Variants in COQ3 observed in about 807,000 individuals in gnomAD.
COQ3 encodes ubiquinone biosynthesis O-methyltransferase, mitochondrial.
In COQ3, 29 loss-of-function variants were observed where a neutral mutation model predicts 33.1. The ratio of observed to expected loss-of-function variants is 0.88; its 90% CI spans 0.65 to 1.19. COQ3 has a LOEUF of 1.19. Ranked by LOEUF, COQ3 falls within the 50% of genes most tolerant of loss-of-function variation. The pLI, the probability that COQ3 is intolerant of heterozygous loss-of-function variation, is 0.00. For synonymous variants in COQ3, 173 were observed against 157.8 expected, an observed-to-expected ratio of 1.10 and a Z score of -0.72; for missense variants, 437 against 430.7, an observed-to-expected ratio of 1.01 and a Z score of -0.13.
At chr6:99,378,689 G>A (rs1426191961) in intron 3 of COQ3, among the ~76,000 whole-genome samples, 2 of 152,048 alleles carry the variant, frequency 1.3e-5, no homozygotes, top group African/African-American at 4.8e-5. Flanking sequence ...CACTGTCCAG[G>A]GCCTACACTT....
chr6:99,378,635 C>T (rs915252246), intron 3 of COQ3, among the ~76,000 whole-genome samples: 6 of 152,042 alleles, frequency 3.9e-5, no homozygotes, highest in East Asian at 1.9e-4. Context: ...CCTGATGAGA[C>T]GTGATAATTT....
At chr6:99,373,129 A>G (rs535867807) in intron 5 of COQ3, among the ~76,000 whole-genome samples, 1 of 152,296 alleles carries the variant, frequency 6.6e-6, no homozygotes, top group Admixed American at 6.5e-5. Flanking sequence ...TTCAAACTCT[A>G]AAATATCTTA....
intron 1 of COQ3, among the ~76,000 whole-genome samples, chr6:99,391,637 T>C (rs1295453219): frequency 6.6e-6 from 1 of 152,232 alleles, no homozygotes; most frequent in Non-Finnish European, 1.5e-5. Flanking sequence ...ATCTCTCTCT[T>C]ACCTCCTCTA....
At chr6:99,375,156 C>T (rs776473862) in intron 5 of COQ3, among the ~76,000 whole-genome samples, 17 of 151,538 alleles carry the variant, frequency 1.1e-4, no homozygotes, top group South Asian at 4.2e-4. Flanking sequence ...TTAGTAGAGA[C>T]GGGGTTTCTC....
chr6:99,378,606 C>A lies in COQ3; in HGVS notation c.387-1121G>T, dbSNP rs79726595. 3.0e-3 allele frequency among the ~76,000 whole-genome samples: 463 copies of A among 152,252 alleles called. 2 individuals are homozygous for A. Among genetic ancestry groups the A allele is most frequent in the African/African-American group, 0.011 (445 of 41,552 alleles). On this transcript the variant is annotated intron_variant, in intron 3 of 6. Coordinates refer to ENST00000254759, the MANE Select transcript of COQ3 (RefSeq NM_017421.4). ...TTTGCTTAAAATGGAGTGCTGACCC[C>A]TCCCCAGAGCAGTAGGTCCCTGATG...
chr6:99,380,208 G>T lies in COQ3; in HGVS notation c.367C>A (p.Leu123Met). 1 of 1,613,792 alleles carries T rather than the reference G, an allele frequency of 6.2e-7. No homozygotes were observed. The highest frequency in any genetic ancestry group is 8.5e-7 in the Non-Finnish European group (1 of 1,179,828). The change falls in exon 3 of 7, where the codon CTG becomes ATG. Residue 123 changes from leucine (L) to methionine (M), a missense_variant. Leu to Met is a conservative substitution (Grantham distance 15, BLOSUM62 2). Coordinates refer to ENST00000254759, the MANE Select transcript of COQ3 (RefSeq NM_017421.4). ...TGTTACCTAATAAATGGCACCCTCA[G>T]GTCATTCATGGAATGAAGAGGTGCA... ...VYAPLHSMND[L>M]RVPFIRDNLL...
At chr6:99,393,144 T>A (rs534880245) in intron 1 of COQ3, among the ~76,000 whole-genome samples, 13 of 151,882 alleles carry the variant, frequency 8.6e-5, no homozygotes, top group Admixed American at 2.6e-4. Context: ...AATTTCTCTA[T>A]ATATCTCCAC....
intron 4 of COQ3, 35 bp downstream of exon 4, chr6:99,377,351 T>G (rs7764793): frequency 5.0e-6 from 7 of 1,394,754 alleles, no homozygotes; most frequent in Non-Finnish European, 7.1e-6. Flanking sequence ...AATTTTTTTC[T>G]CCCAGTTAAA....
At chr6:99,378,122 A>T (rs1247881491) in intron 3 of COQ3, among the ~76,000 whole-genome samples, 4 of 19,084 alleles carry the variant, frequency 2.1e-4, no homozygotes, top group Non-Finnish European at 6.1e-4. Flanking sequence ...ATATATATAT[A>T]TATATATATA....
chr6:99,392,092 C>T (rs897464341), intron 1 of COQ3, among the ~76,000 whole-genome samples: 1 of 152,142 alleles, frequency 6.6e-6, no homozygotes, highest in Non-Finnish European at 1.5e-5. Context: ...TGTATTTAAA[C>T]AGAATGCTAC....
chr6:99,377,032 CAG>C (rs1774304668), intron 4 of COQ3, among the ~76,000 whole-genome samples: 1 of 137,724 alleles, frequency 7.3e-6, no homozygotes, highest in Admixed American at 7.4e-5. Context: ...GTATGTGTGA[CAG>C]AGTCTCTCTC....
intron 2 of COQ3, among the ~76,000 whole-genome samples, chr6:99,381,495 C>G (rs1774471332): frequency 6.6e-6 from 1 of 152,166 alleles, no homozygotes; most frequent in Non-Finnish European, 1.5e-5. Context: ...CATGCATGCT[C>G]TTTCCTCAGG....
At position 99,371,555 on chromosome 6, in the gene COQ3, G is replaced by A. The variant is rs757464775; in HGVS notation, c.762C>T (p.Asn254=). 1.2e-6 allele frequency: 2 copies of A among 1,603,498 alleles called. No individual in the cohort carries two copies. The highest frequency in any genetic ancestry group is 2.3e-5 in the South Asian group (2 of 88,884). Residue 254 remains asparagine (N), a synonymous_variant, in exon 6 of 7, where the codon AAC becomes AAT. Coordinates refer to ENST00000254759, the MANE Select transcript of COQ3 (RefSeq NM_017421.4). Reference sequence around the variant, plus strand: ...CCAAGGCATAGGAAAGTTGTGTTTTGTTGATTGTAGTAATGAATAAAGAAC... The same window carrying A: ...CCAAGGCATAGGAAAGTTGTGTTTTATTGATTGTAGTAATGAATAAAGAAC... ...PGGSLFITTI[N]KTQLSYALGI...
intron 4 of COQ3, 77 bp downstream of exon 4, chr6:99,377,309 G>C: frequency 9.0e-7 from 1 of 1,111,792 alleles, no homozygotes; most frequent in Non-Finnish European, 1.4e-6. Flanking sequence ...ATTATTTGTT[G>C]AAAGAATAAA....
chr6:99,380,310 G>T lies in COQ3; in HGVS notation c.265C>A (p.Gln89Lys). ...ACCTCACCGCTGTCGACAGTGGTTTGGGAAGTACTGTACAGTCTCGCCCAA... is the reference window on the plus strand; with the variant it reads ...ACCTCACCGCTGTCGACAGTGGTTTTGGAAGTACTGTACAGTCTCGCCCAA... Reference protein sequence around the residue: ...YPWARLYSTSQTTVDSGEVKT... With the variant: ...YPWARLYSTSKTTVDSGEVKT... The change falls in exon 3 of 7, where the codon CAA becomes AAA. Residue 89 changes from glutamine (Q) to lysine (K), a missense_variant. Physicochemically the swap from Gln to Lys is moderately conservative, Grantham distance 53. Transcript: ENST00000254759. The T allele has an allele frequency of 6.2e-7, 1 of 1,613,996 alleles. No individual in the cohort carries two copies. The highest frequency in any genetic ancestry group is 8.5e-7 in the Non-Finnish European group (1 of 1,179,972).
At chr6:99,380,495 A>G (rs930279296) in intron 2 of COQ3, among the ~76,000 whole-genome samples, 154 bp from the exon 3 acceptor site, 1 of 152,232 alleles carries the variant, frequency 6.6e-6, no homozygotes, top group Non-Finnish European at 1.5e-5. Flanking sequence ...AAGTTTTCTT[A>G]TAATCACACT....
chr6:99,373,720 A>T (rs1301676762), intron 5 of COQ3, among the ~76,000 whole-genome samples: 2 of 152,200 alleles, frequency 1.3e-5, no homozygotes, highest in Non-Finnish European at 2.9e-5. Context: ...GGCTAGGCAC[A>T]GTAGCTCACG....
Position 99,380,354 on chromosome 6 carries a change from A to G in COQ3, c.234-13T>C. 1 of 1,612,326 alleles carries G rather than the reference A, an allele frequency of 6.2e-7. No homozygotes were observed. Among genetic ancestry groups the G allele is most frequent in the Non-Finnish European group, 8.5e-7 (1 of 1,178,998 alleles). ...CGCCCAAGGGTACCTAAAAGGTGAA[A>G]ATGAAGAACCAAGCAAATACTGCTG... On this transcript the variant is annotated splice_polypyrimidine_tract_variant and intron_variant, in intron 2 of 6. Transcript: ENST00000254759.
intron 2 of COQ3, among the ~76,000 whole-genome samples, chr6:99,380,955 AT>A (rs1774457433): frequency 6.6e-6 from 1 of 152,168 alleles, no homozygotes; most frequent in African/African-American, 2.4e-5. Context: ...TTGAGCACTT[AT>A]TAAATTCCAG....
Sources: gnomAD v4.1 joint callset for allele counts (sites outside exome capture counted in the v4.1 genomes callset) on GRCh38, gnomAD v4.1.1 for gene constraint, MANE v1.5 for transcripts, NCBI Gene and HGNC (gene_info 2026-07-23, HGNC 2026-07-21) for gene names.